SRGAP1: variants seen among roughly 807,000 people sequenced by gnomAD.
SRGAP1 encodes SLIT-ROBO Rho GTPase-activating protein 1.
In SRGAP1, 43 loss-of-function variants were observed where a neutral mutation model predicts 121.9. The observed-to-expected ratio is 0.35, with a 90% confidence interval of 0.28 to 0.46. The LOEUF (loss-of-function observed/expected upper bound fraction) is 0.46. SRGAP1 is among the 20% of genes least tolerant of loss of function. The pLI, the probability that SRGAP1 is intolerant of heterozygous loss-of-function variation, is 1.00. For missense variants in SRGAP1, 1,102 were observed against 1,350.9 expected (o/e 0.82, Z 2.89); for synonymous variants, 447 against 485.4 (o/e 0.92, Z 1.04).
intron 6 of SRGAP1, among the ~76,000 whole-genome samples, chr12:64,059,214 C>T (rs943025651): frequency 3.3e-5 from 5 of 152,056 alleles, no homozygotes; most frequent in South Asian, 2.1e-4. Context: ...AAACATGCAC[C>T]GATGCTTTTG....
chr12:64,137,013 CAGCACTTTGGGAGGCTGAGGCGCATG>C (rs2036866434), intron 21 of SRGAP1, among the ~76,000 whole-genome samples: 2 of 152,094 alleles, frequency 1.3e-5, no homozygotes, highest in South Asian at 4.2e-4. Flanking sequence ...CCTGTAATCC[CAGCACTTTGGGAGGCTGAGGCGCATG>C]GATCACTTGA....
Position 63,907,721 on chromosome 12 carries a change from T to C in SRGAP1, c.67+62838T>C, listed in dbSNP as rs541381418. On this transcript the variant is annotated intron_variant, in intron 1 of 21. Transcript: ENST00000355086. ...GGTGTCCTATGAGGCATAAAAGTTT[T>C]AAACTTTCATAAAGTTCAACTTATT... Among the ~76,000 whole-genome samples the C allele has an allele frequency of 2.6e-5, 3 of 117,504 alleles. No individual in the cohort carries two copies. In the South Asian group the frequency reaches 1.0e-3, roughly 40 times the overall value. The allele number at this position is 117,504 out of a possible 152,430, so 77.1% of individuals were successfully genotyped here. A position where few individuals can be genotyped will look rare whatever the true frequency, so the allele number is the denominator to read the frequency against.
At chr12:64,025,963 G>A (rs1046481792) in intron 4 of SRGAP1, among the ~76,000 whole-genome samples, 1 of 152,054 alleles carries the variant, frequency 6.6e-6, no homozygotes, top group African/African-American at 2.4e-5. Context: ...CATCTTTGAG[G>A]GCATTCTGCT....
At chr12:63,907,460 C>T (rs2030269429) in intron 1 of SRGAP1, among the ~76,000 whole-genome samples, 1 of 151,966 alleles carries the variant, frequency 6.6e-6, no homozygotes, top group South Asian at 2.1e-4. Flanking sequence ...ATCGCTTGAT[C>T]CTGGGAGGTG....
intron 12 of SRGAP1, among the ~76,000 whole-genome samples, chr12:64,092,476 A>G (rs911420597): frequency 6.8e-6 from 1 of 148,030 alleles, no homozygotes; most frequent in African/African-American, 2.5e-5. Flanking sequence ...ATATATACAT[A>G]CATACATACA....
chr12:64,051,624 A>G (rs2035241077), intron 6 of SRGAP1, among the ~76,000 whole-genome samples: 1 of 152,294 alleles, frequency 6.6e-6, no homozygotes, highest in Admixed American at 6.5e-5. Flanking sequence ...ATAATTCAAC[A>G]CTTTAATAGA....
At chr12:64,117,972 A>G (rs2036548763) in intron 18 of SRGAP1, among the ~76,000 whole-genome samples, 1 of 152,148 alleles carries the variant, frequency 6.6e-6, no homozygotes, top group South Asian at 2.1e-4. Context: ...CATTGTATTT[A>G]CCTATATTTT....
chr12:63,904,161 G>T (rs975158215), intron 1 of SRGAP1, among the ~76,000 whole-genome samples: 45 of 145,360 alleles, frequency 3.1e-4, no homozygotes, highest in African/African-American at 1.1e-3. Context: ...GCATTTGTTT[G>T]TACACCAACA....
At chr12:63,857,618 A>T in intron 1 of SRGAP1, among the ~76,000 whole-genome samples, 1 of 152,062 alleles carries the variant, frequency 6.6e-6, no homozygotes, top group East Asian at 1.9e-4. Context: ...TCCAGACATC[A>T]AGTGATCCAC....
At chr12:64,044,190 C>T (rs2035079697) in intron 6 of SRGAP1, among the ~76,000 whole-genome samples, 1 of 152,104 alleles carries the variant, frequency 6.6e-6, no homozygotes, top group Admixed American at 6.6e-5. Flanking sequence ...TATATGTATG[C>T]AGCATTTACT....
intron 1 of SRGAP1, among the ~76,000 whole-genome samples, chr12:63,885,726 G>A (rs928511409): frequency 6.6e-6 from 1 of 152,192 alleles, no homozygotes; most frequent in East Asian, 1.9e-4. Flanking sequence ...GAAGTTCAGA[G>A]AGAGAGATTC....
At chr12:64,113,497 CAGA>C (rs1315497948) in intron 17 of SRGAP1, among the ~76,000 whole-genome samples, 1 of 152,030 alleles carries the variant, frequency 6.6e-6, no homozygotes, top group Non-Finnish European at 1.5e-5. Flanking sequence ...TATTTCAAAA[CAGA>C]AGAATTGTAA....
In SRGAP1 at chr12:64,056,566, A is replaced by G. The variant is rs111525573; in HGVS notation, c.802-6351A>G. Among the ~76,000 whole-genome samples the G allele has an allele frequency of 6.7e-4, 101 of 149,940 alleles. 1 individual carries two copies. The highest frequency in any genetic ancestry group is 3.1e-3 in the East Asian group (16 of 5,168). On this transcript the variant is annotated intron_variant, in intron 6 of 21. Coordinates refer to ENST00000355086, the MANE Select transcript of SRGAP1 (RefSeq NM_020762.4). ...AGACTCCACAAAAAAAAAAAAAAAA[A>G]AGAGAGAAAGAAAGAAAAACATAAA...
intron 15 of SRGAP1, among the ~76,000 whole-genome samples, chr12:64,105,787 A>C (rs2036336007): frequency 7.0e-6 from 1 of 142,436 alleles, no homozygotes; most frequent in Admixed American, 6.7e-5. Context: ...CTGTCTCAAA[A>C]ACAACAACAA....
intron 14 of SRGAP1, among the ~76,000 whole-genome samples, 177 bp downstream of exon 14, chr12:64,095,381 C>A (rs2036135324): frequency 6.6e-6 from 1 of 152,198 alleles, no homozygotes. Context: ...AAACTATAAG[C>A]CCTTGTTATT....
At chr12:63,943,214 G>T (rs1306357952) in intron 1 of SRGAP1, among the ~76,000 whole-genome samples, 1 of 152,134 alleles carries the variant, frequency 6.6e-6, no homozygotes, top group Admixed American at 6.5e-5. Context: ...ATAATAAGCT[G>T]CAGACATTTT....
At chr12:63,952,974 A>G (rs567686566) in intron 1 of SRGAP1, among the ~76,000 whole-genome samples, 1 of 152,282 alleles carries the variant, frequency 6.6e-6, no homozygotes, top group South Asian at 2.1e-4. Context: ...AACACTTTGC[A>G]TGTATCATTT....
intron 1 of SRGAP1, among the ~76,000 whole-genome samples, chr12:63,861,086 A>G (rs1011293921): frequency 6.6e-6 from 1 of 150,376 alleles, no homozygotes; most frequent in African/African-American, 2.4e-5. Context: ...AAAGTTTTTT[A>G]TTTAATTTCT....
chr12:63,894,471 C>CT (rs557308275), intron 1 of SRGAP1, among the ~76,000 whole-genome samples: 7,283 of 145,028 alleles, frequency 0.05, 255 homozygotes, highest in Middle Eastern at 0.15. Flanking sequence ...AGCTCACTCT[C>CT]TTTTTTTTTT....
Sources: allele counts gnomAD v4.1 joint callset (sites outside exome capture counted in the v4.1 genomes callset), GRCh38; gene constraint gnomAD v4.1.1; transcripts MANE v1.5; gene names NCBI Gene and HGNC (gene_info 2026-07-23, HGNC 2026-07-21).